OTOF: variants seen among roughly 807,000 people sequenced by gnomAD.
The protein encoded by OTOF is otoferlin, also known as fer-1-like family member 2.
OTOF carries 218 observed loss-of-function variants against 236.8 expected under a neutral mutation model. The ratio of observed to expected loss-of-function variants is 0.92; its 90% CI spans 0.82 to 1.03. OTOF has a LOEUF of 1.03. Among genes scored for constraint, OTOF ranks in the 50% least tolerant of loss-of-function variants. OTOF has a pLI of 0.00. For synonymous variants in OTOF, 1,041 were observed against 1,072.5 expected (o/e 0.97, Z 0.57); for missense variants, 2,590 against 2,694.4 (o/e 0.96, Z 0.86).
chr2:26,458,866 T>G (rs1030620993), intron 46 of OTOF, among the ~76,000 whole-genome samples: 7 of 152,274 alleles, frequency 4.6e-5, no homozygotes, highest in Non-Finnish European at 7.3e-5. Context: ...GCCCCAGAGC[T>G]GAGCTCAGTA....
rs727504639 is a variant in OTOF, at chr2:26,474,622, GC to G, written c.3178del (p.Ala1060GlnfsTer86). On this transcript the variant is annotated frameshift_variant, in exon 26 of 47. Transcript: ENST00000272371. LOFTEE classifies it high-confidence loss of function. ...GCGGGGTGGGCAGTACGCCTCGTCT[GC>G]CATCTTCACCAGGGGTTTGGCGAAG... is the stretch of plus-strand genomic sequence containing the variant. ...RTFAKPLVKM[A>X]DEAYCPPRFP... 4 of 1,613,316 alleles carry G rather than the reference GC, an allele frequency of 2.5e-6. No homozygotes were observed. The highest frequency in any genetic ancestry group is 3.4e-6 in the Non-Finnish European group (4 of 1,179,992).
chr2:26,499,226 G>A (rs970867760), intron 8 of OTOF, among the ~76,000 whole-genome samples: 2 of 152,084 alleles, frequency 1.3e-5, no homozygotes, highest in African/African-American at 4.8e-5. Context: ...CCTTGGAGAT[G>A]GCAATAATCA....
chr2:26,552,107 A>AT (rs1553366857), intron 1 of OTOF, among the ~76,000 whole-genome samples: 1 of 150,100 alleles, frequency 6.7e-6, no homozygotes, highest in African/African-American at 2.5e-5. Context: ...AAAAAAAAAA[A>AT]GGCCAGGCAC....
At chr2:26,529,956 C>T (rs1666904025) in intron 2 of OTOF, among the ~76,000 whole-genome samples, 1 of 152,176 alleles carries the variant, frequency 6.6e-6, no homozygotes, top group Non-Finnish European at 1.5e-5. Flanking sequence ...ATGCCTCTGG[C>T]AGCTCAGCAG....
rs774994611 is a variant in OTOF at position 26,461,753 on chromosome 2, C to A, written c.5476G>T (p.Ala1826Ser). ...TCCCAGATCTGCAGGGTGAGCCGCG[C>A]GGGGATCTTGTACTCGGTCTCGTCC... ...SWDETEYKIP[A>S]RLTLQIWDAD... Residue 1826 changes from alanine to serine, a missense_variant, in exon 43 of 47, where the codon GCG becomes TCG. Physicochemically the swap from Ala to Ser is moderately conservative, Grantham distance 99. Coordinates refer to ENST00000272371, the MANE Select transcript of OTOF (RefSeq NM_194248.3). The surrounding 1 kb of genome is among the most constrained non-coding windows in gnomAD (Gnocchi z 6.2). 2 of 1,614,168 alleles carry A rather than the reference C, an allele frequency of 1.2e-6. No individual in the cohort carries two copies. The highest frequency in any genetic ancestry group is 2.2e-5 in the South Asian group (2 of 91,082).
At chr2:26,522,355 A>C (rs1310714264) in intron 3 of OTOF, among the ~76,000 whole-genome samples, 1 of 152,248 alleles carries the variant, frequency 6.6e-6, no homozygotes, top group African/African-American at 2.4e-5. Flanking sequence ...GCTTGCCATG[A>C]AAACAGTTTC....
chr2:26,538,973 C>T (rs564266404), intron 1 of OTOF, among the ~76,000 whole-genome samples: 87 of 152,182 alleles, frequency 5.7e-4, no homozygotes, highest in Middle Eastern at 6.8e-3. Context: ...CCACCATGCC[C>T]AGCTAATTTT....
At chr2:26,533,722 A>G (rs1180976732) in intron 2 of OTOF, among the ~76,000 whole-genome samples, 1 of 152,030 alleles carries the variant, frequency 6.6e-6, no homozygotes, top group East Asian at 1.9e-4. Context: ...TGCTGAGCCC[A>G]CTCGGTCTGG....
intron 9 of OTOF, among the ~76,000 whole-genome samples, chr2:26,493,301 T>G (rs968498054): frequency 6.6e-6 from 1 of 152,152 alleles, no homozygotes; most frequent in Non-Finnish European, 1.5e-5. Flanking sequence ...GTGCACAGTC[T>G]GAGGACTCTC....
At chr2:26,482,818 T>C (rs1665584838) in intron 13 of OTOF, among the ~76,000 whole-genome samples, 1 of 140,412 alleles carries the variant, frequency 7.1e-6, no homozygotes, top group Non-Finnish European at 1.5e-5. Context: ...TATGAGTGGG[T>C]GCATGTGTGC....
intron 5 of OTOF, among the ~76,000 whole-genome samples, chr2:26,511,242 G>A (rs1018437119): frequency 4.6e-5 from 7 of 152,206 alleles, no homozygotes; most frequent in Non-Finnish European, 1.0e-4. Context: ...GGCTAAGCCT[G>A]CTCTGTGAGG....
intron 1 of OTOF, among the ~76,000 whole-genome samples, chr2:26,546,580 C>T (rs1667338786): frequency 1.3e-5 from 2 of 151,980 alleles, no homozygotes; most frequent in Admixed American, 1.3e-4. Context: ...TATTCTAGAT[C>T]ATTTGCATGT....
chr2:26,469,533 G>A (rs1664885304), intron 32 of OTOF, among the ~76,000 whole-genome samples: 1 of 152,194 alleles, frequency 6.6e-6, no homozygotes, highest in Non-Finnish European at 1.5e-5. Flanking sequence ...AGTCATATGT[G>A]CAGCTTCTGG....
chr2:26,475,856 G>C, intron 24 of OTOF, 58 bp downstream of exon 24: 1 of 1,552,918 alleles, frequency 6.4e-7, no homozygotes, highest in Non-Finnish European at 8.7e-7. Context: ...GTCCCCACAG[G>C]CTCACAGGCT....
Position 26,471,241 on chromosome 2 carries a change from G to A in OTOF, c.3865-91C>T, listed in dbSNP as rs528820760. 1.5e-4 allele frequency: 224 copies of A among 1,458,574 alleles called. No individual in the cohort carries two copies. In the African/African-American group the frequency reaches 1.8e-3, roughly 11 times the overall value. The allele number at this position is 1,458,574 out of a possible 1,614,324, so 90.4% of individuals were successfully genotyped here. On this transcript the variant is annotated intron_variant, in intron 30 of 46. Coordinates refer to ENST00000272371, the MANE Select transcript of OTOF (RefSeq NM_194248.3). ...CTAGCACAGGGTGTGTGGAGGAGCC[G>A]AGATGGAAATTACTGTGTGCTGGCA...
At chr2:26,465,218 G>C (rs980853639) in intron 38 of OTOF, among the ~76,000 whole-genome samples, 189 bp from the exon 39 acceptor site, 19 of 152,148 alleles carry the variant, frequency 1.2e-4, no homozygotes, top group African/African-American at 4.3e-4. Context: ...TTCCTGCCCT[G>C]GGCCTTGGAC....
At position 26,489,714 on chromosome 2, in the gene OTOF, A is replaced by G; in HGVS notation, c.924T>C (p.Ser308=). 2 of 1,613,004 alleles carry G rather than the reference A, an allele frequency of 1.2e-6. No homozygotes were observed. The highest frequency in any genetic ancestry group is 1.7e-6 in the Non-Finnish European group (2 of 1,179,926). ...TGATCTTGTCAAACATGACATCCGG[A>G]GAGACATGGAAGTCGAAGACGAAGT... The part of the protein sequence containing the change: ...NEYFVFDFHV[S]PDVMFDKIIK... The change falls in exon 10 of 47, where the codon TCT becomes TCC. Residue 308 remains serine (S), a synonymous_variant. Coordinates refer to ENST00000272371, the MANE Select transcript of OTOF (RefSeq NM_194248.3).
rs397517938 is a variant in OTOF, at chr2:26,527,820, T to C, written c.227+12A>G. ...TCCAGGCCCAGCCCCTCCTGCCCCA[T>C]CCCACACTTACTTGTTGCTGAAGAC... On this transcript the variant is annotated intron_variant, in intron 3 of 46. Coordinates refer to ENST00000272371, the MANE Select transcript of OTOF (RefSeq NM_194248.3). 23 of 1,596,330 alleles carry C rather than the reference T, an allele frequency of 1.4e-5. No individual in the cohort carries two copies. The highest frequency in any genetic ancestry group is 1.8e-5 in the Non-Finnish European group (21 of 1,163,874).
In OTOF at chr2:26,477,453, A is replaced by C; in HGVS notation, c.2369T>G (p.Leu790Arg). 6.2e-7 allele frequency: 1 copy of C among 1,602,216 alleles called. No individual in the cohort carries two copies. Among genetic ancestry groups the C allele is most frequent in the Non-Finnish European group, 8.5e-7 (1 of 1,175,250 alleles). Residue 790 changes from leucine to arginine, a missense_variant, in exon 20 of 47, where the codon CTT becomes CGT. Around this residue, in one of 2 missense-constraint regions of OTOF, gnomAD observed 1,379 missense variants for 1,341.6 expected, o/e 1.03. Transcript: ENST00000272371. The surrounding 1 kb of genome is among the most constrained non-coding windows in gnomAD (Gnocchi z 4.7). ...GCAGGACTTGAGGCGCTCCCGGTCA[A>C]GCCTGGTGCGGGATGAGTGGCCCTG... ...KDQGHSSRTR[L>R]DRERLKSCMR...
Sources: allele counts gnomAD v4.1 joint callset (sites outside exome capture counted in the v4.1 genomes callset), GRCh38; gene constraint gnomAD v4.1.1; regional missense constraint gnomAD v4.1.1; non-coding constraint Gnocchi (gnomAD v3.1); transcripts MANE v1.5; gene names NCBI Gene and HGNC (gene_info 2026-07-23, HGNC 2026-07-21).